PREX1: variants seen among roughly 807,000 people sequenced by gnomAD.
PREX1 encodes the protein phosphatidylinositol 3,4,5-trisphosphate-dependent Rac exchanger 1 protein.
Under a neutral mutation model 198.3 loss-of-function variants are expected in PREX1, and 41 were observed. The observed-to-expected ratio is 0.21, with a 90% CI of 0.16 to 0.27. The LOEUF is 0.27. PREX1 is among the 10% of genes least tolerant of loss of function. PREX1 has a pLI of 1.00. For missense variants in PREX1, 1,620 were observed against 2,200.7 expected, an observed-to-expected ratio of 0.74 and a Z score of 5.28; for synonymous variants, 843 against 887.2, an observed-to-expected ratio of 0.95 and a Z score of 0.89.
intron 35 of PREX1, among the ~76,000 whole-genome samples, chr20:48,631,527 C>T (rs980176162): frequency 3.9e-5 from 6 of 152,204 alleles, no homozygotes; most frequent in African/African-American, 1.2e-4. Flanking sequence ...GAGTATTCCA[C>T]AGATGGCGCA....
Position 48,691,126 on chromosome 20 carries a change from A to G in PREX1, c.1037-30T>C. 1.2e-6 allele frequency: 2 copies of G among 1,614,018 alleles called. No individual in the cohort carries two copies. Among genetic ancestry groups the G allele is most frequent in the Non-Finnish European group, 1.7e-6 (2 of 1,179,900 alleles). On this transcript the variant is annotated intron_variant, in intron 8 of 39. Transcript: ENST00000371941. The surrounding 1 kb of genome is among the most constrained non-coding windows in gnomAD (Gnocchi z 5.0). The stretch of plus-strand genomic sequence containing the variant: ...TGGGGGCAGGAGGCAAAGGTGCAGC[A>G]GAGACTCAGCCGCGTGACCTTCAAC...
chr20:48,868,960 TCGAC>T, the PREX1 span, among the ~76,000 whole-genome samples: 1 of 152,016 alleles, frequency 6.6e-6, no homozygotes. Flanking sequence ...CATTGCAGCC[TCGAC>T]CTCTTGGGTT....
intron 8 of PREX1, chr20:48,692,220 G>C (rs1034387702): frequency 1.3e-5 from 2 of 155,786 alleles, no homozygotes; most frequent in African/African-American, 4.8e-5. Context: ...TAAGTAAAAT[G>C]GTCATGACCA....
intron 1 of PREX1, among the ~76,000 whole-genome samples, chr20:48,776,107 T>C (rs755097740): frequency 5.9e-5 from 9 of 152,018 alleles, no homozygotes; most frequent in Admixed American, 2.0e-4. Context: ...CCCTGGACGG[T>C]AGAGGACCCC....
At chr20:48,765,626 G>A (rs2090204689) in intron 1 of PREX1, among the ~76,000 whole-genome samples, 1 of 152,246 alleles carries the variant, frequency 6.6e-6, no homozygotes. Context: ...GTCATGCAGA[G>A]GAGGAGGACG....
chr20:48,795,349 G>T (rs901850357), intron 1 of PREX1, among the ~76,000 whole-genome samples: 1 of 152,184 alleles, frequency 6.6e-6, no homozygotes, highest in African/African-American at 2.4e-5. Context: ...CTCAAAGAAG[G>T]ATGCTCCTGC....
At chr20:48,631,684 C>A (rs1017939045) in intron 35 of PREX1, among the ~76,000 whole-genome samples, 1 of 152,206 alleles carries the variant, frequency 6.6e-6, no homozygotes, top group African/African-American at 2.4e-5. Context: ...TCCCTGGGGT[C>A]TTAATTCTCG....
chr20:48,798,010 G>A (rs1400682276), intron 1 of PREX1, among the ~76,000 whole-genome samples: 3 of 152,214 alleles, frequency 2.0e-5, no homozygotes, highest in Admixed American at 6.5e-5. Context: ...CAGGGACGAC[G>A]CTGAGCTCAT....
chr20:48,681,678 A>ATGGATG (rs2089751944), intron 10 of PREX1, among the ~76,000 whole-genome samples: 7 of 150,090 alleles, frequency 4.7e-5, no homozygotes, highest in Admixed American at 4.6e-4. Context: ...GTGACTACAT[A>ATGGATG]GATGGATGGA....
At chr20:48,795,990 A>G (rs2090360732) in intron 1 of PREX1, among the ~76,000 whole-genome samples, 1 of 152,184 alleles carries the variant, frequency 6.6e-6, no homozygotes. Flanking sequence ...CACACAGGGA[A>G]AGATCTGGAA....
intron 1 of PREX1, among the ~76,000 whole-genome samples, chr20:48,792,813 A>ATACAC (rs1461807695): frequency 1.1e-5 from 1 of 87,548 alleles, no homozygotes. Flanking sequence ...AAAAAAAAAA[A>ATACAC]AAATACACAC....
At chr20:48,640,695 G>A (rs1439968121) in intron 29 of PREX1, among the ~76,000 whole-genome samples, 1 of 152,110 alleles carries the variant, frequency 6.6e-6, no homozygotes, top group Non-Finnish European at 1.5e-5. Flanking sequence ...CCAGTACAAG[G>A]CCTGGCACAA....
intron 1 of PREX1, among the ~76,000 whole-genome samples, chr20:48,818,363 A>T (rs2090467627): frequency 6.6e-6 from 1 of 152,228 alleles, no homozygotes; most frequent in Admixed American, 6.5e-5. Flanking sequence ...TATGGGGAAA[A>T]AGGAGTAATG....
chr20:48,789,348 GT>G (rs2090327065), intron 1 of PREX1, among the ~76,000 whole-genome samples: 1 of 152,202 alleles, frequency 6.6e-6, no homozygotes, highest in Non-Finnish European at 1.5e-5. Context: ...CACCACAGAG[GT>G]TTTCTGAGTA....
intron 1 of PREX1, among the ~76,000 whole-genome samples, chr20:48,767,346 G>T (rs1195200962): frequency 6.6e-6 from 1 of 152,124 alleles, no homozygotes; most frequent in African/African-American, 2.4e-5. Context: ...CCCCGAGGAG[G>T]GAGGGGAGAT....
At chr20:48,655,211 G>A in intron 19 of PREX1, 79 bp downstream of exon 19, 1 of 1,350,768 alleles carries the variant, frequency 7.4e-7, no homozygotes, top group South Asian at 1.4e-5. Context: ...CTAGAGTTCA[G>A]AAGGCTCTGA....
At chr20:48,662,844 A>G (rs1015860054) in intron 15 of PREX1, among the ~76,000 whole-genome samples, 2 of 152,214 alleles carry the variant, frequency 1.3e-5, no homozygotes, top group Non-Finnish European at 2.9e-5. Context: ...CCTTGAGGAC[A>G]TCAGGATTGC....
chr20:48,712,581 C>T (rs1240136251), intron 5 of PREX1, among the ~76,000 whole-genome samples: 1 of 152,238 alleles, frequency 6.6e-6, no homozygotes, highest in African/African-American at 2.4e-5. Context: ...GAAAAAAAGG[C>T]TGCTTCCCTT....
chr20:48,632,614 C>T lies in PREX1; in HGVS notation c.4293G>A (p.Glu1431=). 1.9e-6 allele frequency: 3 copies of T among 1,613,944 alleles called. No individual in the cohort carries two copies. The highest frequency in any genetic ancestry group is 2.5e-6 in the Non-Finnish European group (3 of 1,179,902). Reference sequence around the variant, plus strand: ...TGACCTTCAGCGCCTGCCGGCTGCCCTCAATGTGGTAGAAGACGTTGGTGT... The same window carrying T: ...TGACCTTCAGCGCCTGCCGGCTGCCTTCAATGTGGTAGAAGACGTTGGTGT... ...VANTNVFYHI[E]GSRQALKVIF... Residue 1431 remains glutamate (E), a synonymous_variant, in exon 34 of 40, where the codon GAG becomes GAA. Coordinates refer to ENST00000371941, the MANE Select transcript of PREX1 (RefSeq NM_020820.4).
Sources: allele counts gnomAD v4.1 joint callset (sites outside exome capture counted in the v4.1 genomes callset), GRCh38; gene constraint gnomAD v4.1.1; non-coding constraint Gnocchi (gnomAD v3.1); transcripts MANE v1.5; gene names NCBI Gene and HGNC (gene_info 2026-07-23, HGNC 2026-07-21).